The following DMD variants were observed in gnomAD, a reference collection of about 807,000 sequenced individuals.
DMD encodes the protein mutant dystrophin.
A neutral mutation model predicts 330.1 loss-of-function variants in DMD; 63 were observed. The observed-to-expected ratio is 0.19, with a 90% CI of 0.16 to 0.24. The LOEUF is 0.24. Among genes scored for constraint, DMD ranks in the 10% least tolerant of loss-of-function variants. The pLI is 1.00. For synonymous variants in DMD, 1,223 were observed against 959.8 expected, an observed-to-expected ratio of 1.27 and a Z score of -5.07; for missense variants, 3,344 against 2,684.1, an observed-to-expected ratio of 1.25 and a Z score of -5.43.
In DMD at chrX:32,878,567, C is replaced by G. The variant is rs770061703; in HGVS notation, c.94-28747G>C. Among the ~76,000 whole-genome samples the G allele has an allele frequency of 7.7e-3, 863 of 111,407 alleles. 9 individuals are homozygous for G. The highest frequency in any genetic ancestry group is 0.053 in the East Asian group (186 of 3,516). On this transcript the variant is annotated intron_variant, in intron 2 of 78. Coordinates refer to ENST00000357033, the MANE Select transcript of DMD (RefSeq NM_004006.3). ...GCTATACTACAAAACTACAATACTA[C>G]AGTATCTGTATTACTTTAGAAAATC...
intron 16 of DMD, among the ~76,000 whole-genome samples, chrX:32,551,344 A>C (rs575212539): frequency 1.8e-4 from 20 of 111,814 alleles, no homozygotes; most frequent in Middle Eastern, 4.6e-3. Context: ...ACACAAGTCA[A>C]TAAATGTGAT....
At chrX:31,752,822 A>G (rs897605543) in intron 51 of DMD, among the ~76,000 whole-genome samples, 1 of 111,502 alleles carries the variant, frequency 9.0e-6, no homozygotes, top group African/African-American at 3.3e-5. Flanking sequence ...ACTCATAAAC[A>G]TTAAGCCTTC....
intron 71 of DMD, among the ~76,000 whole-genome samples, chrX:31,174,677 T>G (rs2040337352): frequency 9.0e-6 from 1 of 111,556 alleles, no homozygotes; most frequent in African/African-American, 3.2e-5. Flanking sequence ...GTTGAAGGAC[T>G]TGGTTGAAAC....
At chrX:32,384,976 C>T (rs2097948168) in intron 33 of DMD, among the ~76,000 whole-genome samples, 1 of 111,007 alleles carries the variant, frequency 9.0e-6, no homozygotes, top group Non-Finnish European at 1.9e-5. Flanking sequence ...GATGTCTGTA[C>T]CACTCAAAGC....
At chrX:33,265,030 GATGCTTGGTGAGAACAATC>G (rs1273504908) in intron 1 of DMD, among the ~76,000 whole-genome samples, 1 of 111,309 alleles carries the variant, frequency 9.0e-6, no homozygotes, top group Non-Finnish European at 1.9e-5. Flanking sequence ...GAAAAGCAAT[GATGCTTGGTGAGAACAATC>G]ATACTAAGTG....
intron 44 of DMD, among the ~76,000 whole-genome samples, chrX:31,977,920 G>T (rs774725994): frequency 9.0e-6 from 1 of 110,982 alleles, no homozygotes; most frequent in Non-Finnish European, 1.9e-5. Flanking sequence ...GCAGACAAAT[G>T]ACATAAGCAA....
intron 48 of DMD, among the ~76,000 whole-genome samples, chrX:31,852,356 A>G (rs113949067): frequency 9.1e-4 from 102 of 112,002 alleles, no homozygotes; most frequent in African/African-American, 3.3e-3. Context: ...TTATACATAC[A>G]GTTCTTAACT....
chrX:31,320,677 A>C (rs1393825499), intron 62 of DMD, among the ~76,000 whole-genome samples: 1 of 112,264 alleles, frequency 8.9e-6, no homozygotes, highest in Non-Finnish European at 1.9e-5. Context: ...CTAATAAGAC[A>C]CAAGTGCCAT....
At chrX:32,572,263 G>C (rs1416795153) in intron 15 of DMD, among the ~76,000 whole-genome samples, 6 of 111,628 alleles carry the variant, frequency 5.4e-5, no homozygotes, top group Non-Finnish European at 9.4e-5. Flanking sequence ...CAAATAAATA[G>C]CTGGTAAAAT....
At chrX:32,711,517 G>A (rs764819336) in intron 7 of DMD, among the ~76,000 whole-genome samples, 88 of 111,416 alleles carry the variant, frequency 7.9e-4, no homozygotes, top group Admixed American at 1.5e-3. Flanking sequence ...TCCCATTGAC[G>A]GTTTTGGCCC....
At chrX:31,948,468 C>G (rs1485378906) in intron 45 of DMD, among the ~76,000 whole-genome samples, 1 of 111,356 alleles carries the variant, frequency 9.0e-6, no homozygotes, top group Non-Finnish European at 1.9e-5. Flanking sequence ...GCAGCTGCAT[C>G]ATTTTTCCAT....
At chrX:31,295,789 C>A (rs12557109) in intron 62 of DMD, among the ~76,000 whole-genome samples, 34,977 of 110,749 alleles carry the variant, frequency 0.32, 4,872 homozygotes, top group African/African-American at 0.52. Context: ...GAAAGTGCTA[C>A]AATAAATTAA....
chrX:32,225,961 A>C (rs1379677367), intron 43 of DMD, among the ~76,000 whole-genome samples: 51 of 111,829 alleles, frequency 4.6e-4, no homozygotes, highest in Non-Finnish European at 3.8e-5. Context: ...AATTTTAGTC[A>C]ATGATTTCCA....
intron 1 of DMD, among the ~76,000 whole-genome samples, chrX:33,304,574 A>G (rs1371931785): frequency 9.0e-6 from 1 of 110,861 alleles, no homozygotes; most frequent in Non-Finnish European, 1.9e-5. Context: ...ATGGGATCTC[A>G]TCAAACTAAA....
chrX:32,552,102 C>T (rs2049625792), intron 16 of DMD, among the ~76,000 whole-genome samples: 2 of 111,851 alleles, frequency 1.8e-5, no homozygotes, highest in African/African-American at 6.5e-5. Flanking sequence ...TAACATTCTT[C>T]ACTGAATAAG....
At chrX:31,536,929 C>T (rs1044723178) in intron 55 of DMD, among the ~76,000 whole-genome samples, 1 of 111,367 alleles carries the variant, frequency 9.0e-6, no homozygotes. Flanking sequence ...GTTCTTCCTG[C>T]CCCTACATCC....
At chrX:31,412,054 C>T (rs759097002) in intron 60 of DMD, among the ~76,000 whole-genome samples, 12 of 107,477 alleles carry the variant, frequency 1.1e-4, no homozygotes, top group African/African-American at 2.7e-4. Flanking sequence ...GGCATGGTGG[C>T]GGGCGCCTGC....
intron 29 of DMD, among the ~76,000 whole-genome samples, chrX:32,425,880 G>A (rs1228596577): frequency 1.8e-5 from 2 of 111,758 alleles, no homozygotes; most frequent in African/African-American, 6.5e-5. Context: ...ACAAAAGCAA[G>A]CAATGAGGAA....
intron 26 of DMD, among the ~76,000 whole-genome samples, chrX:32,452,373 AAG>A: frequency 5.6e-5 from 1 of 17,710 alleles, no homozygotes. Flanking sequence ...GGGAAAGGGA[AAG>A]GGAAAGGGAA....
Sources: gnomAD v4.1 joint callset for allele counts (sites outside exome capture counted in the v4.1 genomes callset) on GRCh38, gnomAD v4.1.1 for gene constraint, MANE v1.5 for transcripts, NCBI Gene and HGNC (gene_info 2026-07-23, HGNC 2026-07-21) for gene names.